PXDNL: variants seen among roughly 807,000 people sequenced by gnomAD.
The protein encoded by PXDNL is probable oxidoreductase PXDNL.
Under a neutral mutation model 150.8 loss-of-function variants are expected in PXDNL, and 145 were observed. The observed-to-expected ratio is 0.96, with a 90% CI of 0.84 to 1.10. PXDNL has a LOEUF of 1.10. Ranked by LOEUF, PXDNL falls within the 50% of genes least tolerant of loss-of-function variation. The pLI, the probability that PXDNL is intolerant of heterozygous loss-of-function variation, is 0.00. For synonymous variants in PXDNL, 757 were observed against 725.7 expected, an observed-to-expected ratio of 1.04 and a Z score of -0.69; for missense variants, 2,087 against 1,873.9, an observed-to-expected ratio of 1.11 and a Z score of -2.10.
At chr8:51,785,303 A>C (rs140458520) in intron 1 of PXDNL, among the ~76,000 whole-genome samples, 8 of 152,226 alleles carry the variant, frequency 5.3e-5, no homozygotes, top group African/African-American at 1.7e-4. Context: ...GCCTGAGGAC[A>C]TGCACATTCA....
intron 1 of PXDNL, among the ~76,000 whole-genome samples, chr8:51,686,321 C>CT (rs1163703538): frequency 2.0e-5 from 3 of 152,210 alleles, no homozygotes; most frequent in Non-Finnish European, 4.4e-5. Context: ...CACAGCCATG[C>CT]TTTCTTCCCA....
intron 16 of PXDNL, among the ~76,000 whole-genome samples, chr8:51,410,851 A>G (rs1299066680): frequency 6.6e-6 from 1 of 152,246 alleles, no homozygotes; most frequent in African/African-American, 2.4e-5. Flanking sequence ...TATAAATATT[A>G]TAAGTGGTAG....
At chr8:51,545,002 T>C (rs542877750) in intron 4 of PXDNL, among the ~76,000 whole-genome samples, 1 of 152,232 alleles carries the variant, frequency 6.6e-6, no homozygotes, top group South Asian at 2.1e-4. Context: ...ATTAAAATTA[T>C]GATAAATTTT....
chr8:51,657,454 G>A (rs973140481), intron 1 of PXDNL, among the ~76,000 whole-genome samples: 9 of 152,026 alleles, frequency 5.9e-5, no homozygotes, highest in African/African-American at 2.2e-4. Context: ...AGGTATTTTT[G>A]TCTAACTTCT....
At chr8:51,716,708 C>G (rs917507328) in intron 1 of PXDNL, among the ~76,000 whole-genome samples, 28 of 152,016 alleles carry the variant, frequency 1.8e-4, no homozygotes, top group Admixed American at 1.2e-3. Context: ...AGTAAAAGAA[C>G]AAGAAGAAAA....
At chr8:51,385,091 A>G (rs1807659094) in intron 17 of PXDNL, among the ~76,000 whole-genome samples, 1 of 152,184 alleles carries the variant, frequency 6.6e-6, no homozygotes, top group Admixed American at 6.5e-5. Flanking sequence ...ATTGAACAAT[A>G]GCATGTTTGA....
intron 2 of PXDNL, among the ~76,000 whole-genome samples, chr8:51,619,936 A>G (rs1364197584): frequency 6.6e-6 from 1 of 152,072 alleles, no homozygotes; most frequent in African/African-American, 2.4e-5. Context: ...GTTTCTCTAT[A>G]TTTGGAGGCC....
chr8:51,445,806 T>C (rs537069414), intron 12 of PXDNL, among the ~76,000 whole-genome samples: 29 of 152,328 alleles, frequency 1.9e-4, no homozygotes, highest in African/African-American at 7.0e-4. Context: ...TCAAAAGTAG[T>C]TTGAAACATT....
intron 5 of PXDNL, among the ~76,000 whole-genome samples, chr8:51,493,829 A>G (rs1810963548): frequency 6.6e-6 from 1 of 152,252 alleles, no homozygotes; most frequent in African/African-American, 2.4e-5. Flanking sequence ...AGTGACAGGG[A>G]GAATGGAACC....
chr8:51,636,930 G>T (rs1466341539), intron 2 of PXDNL, among the ~76,000 whole-genome samples: 1 of 122,016 alleles, frequency 8.2e-6, no homozygotes, highest in Non-Finnish European at 1.6e-5. Context: ...AGCCTAACTG[G>T]GAGGTAACCC....
In PXDNL at chr8:51,535,479, C is replaced by T. The variant is rs1343007908; in HGVS notation, c.380+21361G>A. On this transcript the variant is annotated intron_variant, in intron 4 of 22. Coordinates refer to ENST00000356297, the MANE Select transcript of PXDNL (RefSeq NM_144651.5). ...CACTCAGGGTTAAATGGATTAAGGG[C>T]GGTGCAAGATGTGCTTTGTTAAACA... Among the ~76,000 whole-genome samples the T allele has an allele frequency of 1.4e-3, 158 of 115,080 alleles. 2 individuals are homozygous for T. Among genetic ancestry groups the T allele is most frequent in the Admixed American group, 3.8e-3 (44 of 11,488 alleles). The allele number at this position is 115,080 out of a possible 152,430, so 75.5% of individuals were successfully genotyped here.
chr8:51,760,844 A>ATTTTT (rs1563312827), intron 1 of PXDNL, among the ~76,000 whole-genome samples: 3 of 48,032 alleles, frequency 6.2e-5, no homozygotes, highest in South Asian at 7.9e-4. Context: ...AATCACTTAA[A>ATTTTT]CTTTTTTTTT....
chr8:51,756,322 G>A (rs908018303), intron 1 of PXDNL, among the ~76,000 whole-genome samples: 1 of 151,284 alleles, frequency 6.6e-6, no homozygotes, highest in Non-Finnish European at 1.5e-5. Flanking sequence ...AGCTCAGCAG[G>A]CAGAAGTTGC....
At chr8:51,502,673 TTTTTCC>T in intron 4 of PXDNL, among the ~76,000 whole-genome samples, 1 of 152,244 alleles carries the variant, frequency 6.6e-6, no homozygotes, top group African/African-American at 2.4e-5. Flanking sequence ...AGTGTTTTTT[TTTTTCC>T]TTTCAACTTT....
intron 1 of PXDNL, among the ~76,000 whole-genome samples, chr8:51,764,379 GTT>G (rs56742838): frequency 7.7e-6 from 1 of 129,170 alleles, no homozygotes; most frequent in South Asian, 2.4e-4. Flanking sequence ...TCTTTTTCTA[GTT>G]TTTTTTTTTT....
intron 4 of PXDNL, among the ~76,000 whole-genome samples, chr8:51,507,919 C>A (rs1811327071): frequency 1.3e-5 from 2 of 152,170 alleles, no homozygotes; most frequent in Admixed American, 1.3e-4. Flanking sequence ...GCTTTATTTT[C>A]TGAGCGGGAA....
intron 9 of PXDNL, among the ~76,000 whole-genome samples, chr8:51,455,411 A>G (rs1809917866): frequency 6.6e-6 from 1 of 152,140 alleles, no homozygotes; most frequent in Admixed American, 6.5e-5. Context: ...GATAAAAACA[A>G]AGTCCTGGCA....
intron 1 of PXDNL, among the ~76,000 whole-genome samples, chr8:51,695,564 C>T (rs534278230): frequency 9.2e-5 from 14 of 152,122 alleles, no homozygotes; most frequent in African/African-American, 2.7e-4. Flanking sequence ...TTAACAAATT[C>T]GTTGGGTGAG....
chr8:51,453,908 C>CATATATAT lies in PXDNL; in HGVS notation c.983-131_983-124dup, dbSNP rs143004029. 7,840 of 782,004 alleles carry CATATATAT rather than the reference C, an allele frequency of 0.01. 400 individuals carry two copies. The African/African-American group carries it at 0.11, about 11-fold the overall frequency. The allele number at this position is 782,004 out of a possible 1,614,324, so 48.4% of individuals were successfully genotyped here. ...AATTCCTTTAAACTAAAATATTACA[C>CATATATAT]ATATATATATATACACATTTAATTC... On this transcript the variant is annotated intron_variant, in intron 9 of 22. Coordinates refer to ENST00000356297, the MANE Select transcript of PXDNL (RefSeq NM_144651.5).
Sources: allele counts gnomAD v4.1 joint callset (sites outside exome capture counted in the v4.1 genomes callset), GRCh38; gene constraint gnomAD v4.1.1; transcripts MANE v1.5; gene names NCBI Gene and HGNC (gene_info 2026-07-23, HGNC 2026-07-21).